Variants in NRXN3 observed in about 807,000 individuals in gnomAD.
The protein encoded by NRXN3 is neurexin III.
NRXN3 carries 32 observed loss-of-function variants against 137.6 expected under a neutral mutation model. The observed-to-expected ratio is 0.23, with a 90% CI of 0.18 to 0.31. The LOEUF (loss-of-function observed/expected upper bound fraction) is 0.31. NRXN3 is among the 10% of genes least tolerant of loss of function. NRXN3 has a pLI of 1.00. For missense variants in NRXN3, 1,574 were observed against 2,062.5 expected, an observed-to-expected ratio of 0.76 and a Z score of 4.59; for synonymous variants, 798 against 784.5, an observed-to-expected ratio of 1.02 and a Z score of -0.29.
At chr14:78,760,853 T>G (rs112802888) in intron 8 of NRXN3, among the ~76,000 whole-genome samples, 39 of 152,234 alleles carry the variant, frequency 2.6e-4, no homozygotes, top group African/African-American at 9.1e-4. Context: ...GGATTTTCTG[T>G]GGGGGAATTC....
intron 15 of NRXN3, among the ~76,000 whole-genome samples, chr14:79,204,883 G>C (rs1431053788): frequency 6.6e-6 from 1 of 152,152 alleles, no homozygotes; most frequent in Non-Finnish European, 1.5e-5. Flanking sequence ...CTGAGACTTG[G>C]TGTATGTACA....
intron 16 of NRXN3, among the ~76,000 whole-genome samples, chr14:79,628,875 G>A (rs1051689873): frequency 6.6e-6 from 1 of 152,142 alleles, no homozygotes; most frequent in Admixed American, 6.5e-5. Flanking sequence ...CTTCACAGTA[G>A]AATGAGTCCC....
chr14:78,583,614 G>A (rs1209674674), intron 4 of NRXN3, among the ~76,000 whole-genome samples: 1 of 152,158 alleles, frequency 6.6e-6, no homozygotes, highest in Non-Finnish European at 1.5e-5. Context: ...TGAGCATAGT[G>A]GTAGAAGTCA....
At chr14:78,819,180 T>G (rs1824770766) in intron 10 of NRXN3, among the ~76,000 whole-genome samples, 1 of 152,190 alleles carries the variant, frequency 6.6e-6, no homozygotes, top group South Asian at 2.1e-4. Flanking sequence ...TCTGTTTTCC[T>G]TCTACCTTTC....
intron 2 of NRXN3, among the ~76,000 whole-genome samples, chr14:78,270,387 G>A (rs1022953040): frequency 2.6e-5 from 4 of 152,086 alleles, no homozygotes; most frequent in Non-Finnish European, 5.9e-5. Flanking sequence ...CTGGTGGGTC[G>A]TGCTGCAGTG....
At chr14:79,668,067 A>T (rs929599441) in intron 17 of NRXN3, among the ~76,000 whole-genome samples, 6 of 152,044 alleles carry the variant, frequency 3.9e-5, no homozygotes, top group Non-Finnish European at 8.8e-5. Flanking sequence ...ATACCAACTC[A>T]GTTCAAGTGC....
At chr14:78,928,956 A>G (rs1480368057) in intron 10 of NRXN3, among the ~76,000 whole-genome samples, 4 of 152,150 alleles carry the variant, frequency 2.6e-5, no homozygotes, top group Non-Finnish European at 5.9e-5. Context: ...CCTCTCCAGC[A>G]TCTGTTATTT....
chr14:78,575,422 A>G (rs949531795), intron 4 of NRXN3, among the ~76,000 whole-genome samples: 2 of 152,232 alleles, frequency 1.3e-5, no homozygotes, highest in African/African-American at 4.8e-5. Context: ...TTTGTAGGTC[A>G]TTAACAAATT....
At chr14:78,295,184 A>G (rs367759123) in intron 3 of NRXN3, among the ~76,000 whole-genome samples, 1 of 152,196 alleles carries the variant, frequency 6.6e-6, no homozygotes, top group African/African-American at 2.4e-5. Flanking sequence ...CTTTTCTCAA[A>G]AAGCAAAATA....
At chr14:79,604,059 T>G (rs1315124653) in intron 16 of NRXN3, among the ~76,000 whole-genome samples, 3 of 151,666 alleles carry the variant, frequency 2.0e-5, no homozygotes, top group Non-Finnish European at 4.4e-5. Context: ...AGATAAATTT[T>G]TTTTTGTATT....
intron 4 of NRXN3, among the ~76,000 whole-genome samples, chr14:78,593,993 C>T (rs2097138846): frequency 6.6e-6 from 1 of 152,088 alleles, no homozygotes; most frequent in African/African-American, 2.4e-5. Context: ...GCCCTGAGGA[C>T]CAGCTTTCTC....
chr14:79,543,692 A>G (rs1220984084), intron 16 of NRXN3, among the ~76,000 whole-genome samples: 1 of 152,180 alleles, frequency 6.6e-6, no homozygotes, highest in East Asian at 1.9e-4. Flanking sequence ...TGCAACCTCA[A>G]ATTTCTACAG....
chr14:79,009,917 T>G (rs1399945898), intron 15 of NRXN3, among the ~76,000 whole-genome samples: 1 of 152,216 alleles, frequency 6.6e-6, no homozygotes, highest in Non-Finnish European at 1.5e-5. Context: ...TGTGGGACTA[T>G]AAGGTATTCC....
chr14:79,519,432 G>C (rs1229275855), intron 16 of NRXN3, among the ~76,000 whole-genome samples: 3 of 151,574 alleles, frequency 2.0e-5, no homozygotes, highest in Admixed American at 2.0e-4. Flanking sequence ...TATATGAATT[G>C]GCCCTTTATG....
chr14:78,721,070 A>G (rs373879515), intron 8 of NRXN3, among the ~76,000 whole-genome samples: 1 of 152,220 alleles, frequency 6.6e-6, no homozygotes, highest in Non-Finnish European at 1.5e-5. Context: ...ACCAGTGTCA[A>G]TGATTCAGGA....
intron 19 of NRXN3, among the ~76,000 whole-genome samples, chr14:79,794,918 G>A (rs1002374710): frequency 6.6e-6 from 1 of 152,140 alleles, no homozygotes; most frequent in Non-Finnish European, 1.5e-5. Context: ...CTTTCATGCC[G>A]CACTGTTCCA....
rs966848214 is a variant in NRXN3 at position 79,048,254 on chromosome 14, T to G, written c.3262+60113T>G. Among the ~76,000 whole-genome samples the G allele has an allele frequency of 3.3e-5, 5 of 152,178 alleles. No homozygotes were observed. In the East Asian group the frequency reaches 7.7e-4, roughly 23 times the overall value. On this transcript the variant is annotated intron_variant, in intron 15 of 20. Transcript: ENST00000335750. ...ATTACAGAAAACAATACTAATTGCCTATGAGTATTGGCAGGAAGGGGCATG... is the reference window on the plus strand; with the variant it reads ...ATTACAGAAAACAATACTAATTGCCGATGAGTATTGGCAGGAAGGGGCATG...
At chr14:79,332,661 T>G (rs898267287) in intron 15 of NRXN3, among the ~76,000 whole-genome samples, 1 of 152,232 alleles carries the variant, frequency 6.6e-6, no homozygotes, top group African/African-American at 2.4e-5. Context: ...TTCCCAGCGC[T>G]GGATACTCTG....
At chr14:78,843,334 T>C (rs1273290530) in intron 10 of NRXN3, among the ~76,000 whole-genome samples, 2 of 152,158 alleles carry the variant, frequency 1.3e-5, no homozygotes, top group Non-Finnish European at 2.9e-5. Context: ...CAGGGAATCA[T>C]ATTTTGGTAA....
Sources: allele counts gnomAD v4.1 joint callset (sites outside exome capture counted in the v4.1 genomes callset), GRCh38; gene constraint gnomAD v4.1.1; transcripts MANE v1.5; gene names NCBI Gene and HGNC (gene_info 2026-07-23, HGNC 2026-07-21).